ZNF536: variants seen among roughly 807,000 people sequenced by gnomAD.
The protein encoded by ZNF536 is zinc finger protein 536.
Under a neutral mutation model 84.5 loss-of-function variants are expected in ZNF536, and 13 were observed. The observed-to-expected ratio is 0.15, with a 90% CI of 0.10 to 0.24. The LOEUF (loss-of-function observed/expected upper bound fraction) is 0.24. Ranked by LOEUF, ZNF536 falls within the 10% of genes least tolerant of loss-of-function variation. The pLI is 1.00. For missense variants in ZNF536, 1,536 were observed against 1,747.5 expected (o/e 0.88, Z 2.16); for synonymous variants, 811 against 742.5 (o/e 1.09, Z -1.50).
At chr19:30,461,454 G>A (rs908567522) in intron 2 of ZNF536, among the ~76,000 whole-genome samples, 1 of 152,108 alleles carries the variant, frequency 6.6e-6, no homozygotes, top group African/African-American at 2.4e-5. Context: ...TCAGAGAAAG[G>A]AGCAGGGAAG....
intron 2 of ZNF536, among the ~76,000 whole-genome samples, chr19:30,328,502 A>T (rs1438065604): frequency 1.3e-5 from 2 of 152,148 alleles, no homozygotes; most frequent in Non-Finnish European, 2.9e-5. Context: ...GCCAGAGGGG[A>T]AGACTTGGCT....
intron 1 of ZNF536, among the ~76,000 whole-genome samples, chr19:30,706,053 T>C (rs551712045): frequency 6.6e-6 from 1 of 152,318 alleles, no homozygotes; most frequent in Non-Finnish European, 1.5e-5. Flanking sequence ...AAAGGTGATA[T>C]CTGAGGTCCA....
intron 2 of ZNF536, among the ~76,000 whole-genome samples, chr19:30,476,219 C>A (rs1264378499): frequency 1.3e-5 from 2 of 152,136 alleles, no homozygotes; most frequent in African/African-American, 4.8e-5. Context: ...ATCATCCACT[C>A]CCCAGCGCAC....
intron 1 of ZNF536, among the ~76,000 whole-genome samples, chr19:30,424,146 T>C (rs2051109942): frequency 6.6e-6 from 1 of 152,164 alleles, no homozygotes. Flanking sequence ...ATTTTCTTTC[T>C]CTCTGTAACT....
At chr19:30,345,942 A>C (rs546973076) in intron 2 of ZNF536, among the ~76,000 whole-genome samples, 1 of 152,284 alleles carries the variant, frequency 6.6e-6, no homozygotes, top group African/African-American at 2.4e-5. Flanking sequence ...GTCTCATTCA[A>C]ACTCCCGTGT....
At chr19:30,376,302 T>G (rs562520379) in intron 1 of ZNF536, among the ~76,000 whole-genome samples, 2 of 152,286 alleles carry the variant, frequency 1.3e-5, no homozygotes, top group African/African-American at 4.8e-5. Flanking sequence ...CATCTGTGTC[T>G]TTGCCCTGGT....
intron 2 of ZNF536, among the ~76,000 whole-genome samples, chr19:30,500,023 C>T (rs1357607679): frequency 1.3e-5 from 2 of 152,212 alleles, no homozygotes; most frequent in Admixed American, 1.3e-4. Context: ...TCCAGAAGTA[C>T]TCCCAAGCTC....
intron 1 of ZNF536, among the ~76,000 whole-genome samples, chr19:30,682,770 G>A (rs2051028432): frequency 6.6e-6 from 1 of 152,080 alleles, no homozygotes; most frequent in Non-Finnish European, 1.5e-5. Context: ...CTCCATCCAG[G>A]CAGCACCTCT....
chr19:30,313,670 T>C (rs1177222919), intron 2 of ZNF536, among the ~76,000 whole-genome samples: 1 of 152,102 alleles, frequency 6.6e-6, no homozygotes, highest in African/African-American at 2.4e-5. Context: ...CAGCCTGCTG[T>C]CCCCACACTG....
chr19:30,244,299 C>A (rs1192474051), intron 1 of ZNF536, among the ~76,000 whole-genome samples: 2 of 151,920 alleles, frequency 1.3e-5, no homozygotes, highest in Non-Finnish European at 2.9e-5. Context: ...GAACGATCCA[C>A]CCCCCCACCC....
intron 2 of ZNF536, among the ~76,000 whole-genome samples, chr19:30,328,318 C>T (rs1177071736): frequency 2.0e-5 from 3 of 152,056 alleles, no homozygotes; most frequent in African/African-American, 7.2e-5. Flanking sequence ...CACACTTGGC[C>T]ACAGCTACCC....
At chr19:30,503,311 GA>G (rs888389166) in intron 2 of ZNF536, among the ~76,000 whole-genome samples, 1 of 152,110 alleles carries the variant, frequency 6.6e-6, no homozygotes, top group Non-Finnish European at 1.5e-5. Context: ...ATAAGAAAAA[GA>G]CAAATCCTCC....
intron 1 of ZNF536, among the ~76,000 whole-genome samples, chr19:30,405,667 C>T (rs553180630): frequency 6.6e-6 from 1 of 152,132 alleles, no homozygotes; most frequent in Non-Finnish European, 1.5e-5. Flanking sequence ...TTTTCAGAAC[C>T]GGTGTGATCA....
chr19:30,647,079 T>G (rs892156842), intron 1 of ZNF536, among the ~76,000 whole-genome samples: 1 of 152,210 alleles, frequency 6.6e-6, no homozygotes, highest in African/African-American at 2.4e-5. Context: ...AAAGTCCCAG[T>G]AAATTATACC....
At chr19:30,566,909 C>T (rs950829307) in intron 1 of ZNF536, among the ~76,000 whole-genome samples, 3 of 131,224 alleles carry the variant, frequency 2.3e-5, no homozygotes, top group Admixed American at 7.5e-5. Context: ...TGAGGGTCCC[C>T]GCATGTGGCC....
chr19:30,450,456 C>T (rs1455484416), intron 2 of ZNF536, among the ~76,000 whole-genome samples: 1 of 152,178 alleles, frequency 6.6e-6, no homozygotes, highest in African/African-American at 2.4e-5. Flanking sequence ...GTCCAACCAC[C>T]TTCCACCTCT....
At chr19:30,292,858 G>C (rs999154765) in intron 2 of ZNF536, among the ~76,000 whole-genome samples, 4 of 152,184 alleles carry the variant, frequency 2.6e-5, no homozygotes, top group Non-Finnish European at 5.9e-5. Context: ...CTAAGAAGGA[G>C]ATAGTTTTAG....
chr19:30,304,207 T>A (rs1043269369), intron 2 of ZNF536, among the ~76,000 whole-genome samples: 1 of 152,176 alleles, frequency 6.6e-6, no homozygotes, highest in Non-Finnish European at 1.5e-5. Context: ...CTGCACAAAC[T>A]TTCGCACAAA....
chr19:30,556,900 A>G, intron 4 of ZNF536: 1 of 442,082 alleles, frequency 2.3e-6, no homozygotes, highest in Non-Finnish European at 4.0e-6. Flanking sequence ...TGCAAAGCCC[A>G]GGGTTCAAAT....
Sources: allele counts gnomAD v4.1 joint callset (sites outside exome capture counted in the v4.1 genomes callset), GRCh38; gene constraint gnomAD v4.1.1; transcripts MANE v1.5; gene names NCBI Gene and HGNC (gene_info 2026-07-23, HGNC 2026-07-21).